Variants in LARP1B observed in about 807,000 individuals in gnomAD.
LARP1B encodes la-related protein 1B.
In LARP1B, 76 loss-of-function variants were observed where a neutral mutation model predicts 114.2. The ratio of observed to expected loss-of-function variants is 0.67; its 90% CI spans 0.55 to 0.81. LARP1B has a LOEUF of 0.81. Ranked by LOEUF, LARP1B falls within the 30% of genes least tolerant of loss-of-function variation. LARP1B has a pLI of 0.00. For missense variants in LARP1B, 1,014 were observed against 1,075.8 expected, an observed-to-expected ratio of 0.94 and a Z score of 0.80; for synonymous variants, 345 against 348.0, an observed-to-expected ratio of 0.99 and a Z score of 0.10.
intron 7 of LARP1B, among the ~76,000 whole-genome samples, chr4:128,094,617 A>G (rs11737508): frequency 0.65 from 98,448 of 151,416 alleles, 32,264 homozygotes; most frequent in Middle Eastern, 0.82. Context: ...ATGTTGCCCC[A>G]TCTGGTCTCG....
intron 5 of LARP1B, among the ~76,000 whole-genome samples, chr4:128,089,289 T>G (rs551213946): frequency 6.6e-6 from 1 of 152,296 alleles, no homozygotes; most frequent in South Asian, 2.1e-4. Flanking sequence ...TCCAAGTTGA[T>G]TTTCAAAGTA....
intron 15 of LARP1B, among the ~76,000 whole-genome samples, chr4:128,193,558 T>C (rs1418534827): frequency 1.3e-5 from 2 of 152,152 alleles, no homozygotes; most frequent in Non-Finnish European, 2.9e-5. Context: ...ATAATACCCA[T>C]AGCTGTTGGA....
At chr4:128,190,060 T>C (rs1221948576) in intron 15 of LARP1B, among the ~76,000 whole-genome samples, 2 of 152,258 alleles carry the variant, frequency 1.3e-5, no homozygotes, top group East Asian at 1.9e-4. Flanking sequence ...CATCAAAGTT[T>C]GTTTTCTTTC....
chr4:128,147,506 G>A (rs527315317), intron 11 of LARP1B, among the ~76,000 whole-genome samples: 2 of 152,218 alleles, frequency 1.3e-5, no homozygotes, highest in East Asian at 1.9e-4. Flanking sequence ...TTTATGAAGG[G>A]GAACAGTAAA....
rs1039839167 is a variant in LARP1B at position 128,156,254 on chromosome 4, C to G, written c.1525-5940C>G. 6 of 1,202,318 alleles carry G rather than the reference C, an allele frequency of 5.0e-6. No homozygotes were observed. In the Admixed American group the frequency reaches 1.2e-4, roughly 23 times the overall value. The allele number at this position is 1,202,318 out of a possible 1,614,324, so 74.5% of individuals were successfully genotyped here. ...GGTGCCACCCTAAGCAACGTCTGCTCCCCTTCCCCCACCAGTCCAGCTGGC... is the reference window on the plus strand; with the variant it reads ...GGTGCCACCCTAAGCAACGTCTGCTGCCCTTCCCCCACCAGTCCAGCTGGC... On this transcript the variant is annotated intron_variant, in intron 11 of 19. Coordinates refer to ENST00000326639, the MANE Select transcript of LARP1B (RefSeq NM_018078.4).
chr4:128,115,951 G>A (rs1259240914), intron 10 of LARP1B, among the ~76,000 whole-genome samples: 5 of 152,174 alleles, frequency 3.3e-5, no homozygotes, highest in Admixed American at 2.0e-4. Flanking sequence ...GAGCCTCTGC[G>A]GCCTGGCCAG....
intron 5 of LARP1B, among the ~76,000 whole-genome samples, chr4:128,083,674 G>C (rs1338536820): frequency 5.2e-5 from 4 of 76,298 alleles, no homozygotes; most frequent in East Asian, 6.4e-4. Context: ...TGGGGGGGCT[G>C]AGCCCCCCCA....
At chr4:128,151,758 ATG>A (rs1732901595) in intron 11 of LARP1B, among the ~76,000 whole-genome samples, 15 of 151,964 alleles carry the variant, frequency 9.9e-5, no homozygotes, top group Admixed American at 8.5e-4. Context: ...ATGCACTACC[ATG>A]TCTGGCTAAT....
intron 9 of LARP1B, among the ~76,000 whole-genome samples, chr4:128,113,848 G>A (rs1186879115): frequency 3.6e-5 from 5 of 140,500 alleles, no homozygotes; most frequent in Non-Finnish European, 6.0e-5. Flanking sequence ...GTGCAATAGC[G>A]CCATCTCGGC....
At position 128,091,385 on chromosome 4, in the gene LARP1B, G is replaced by A; in HGVS notation, c.541G>A (p.Glu181Lys). 6.2e-7 allele frequency: 1 copy of A among 1,612,532 alleles called. No individual in the cohort carries two copies. Among genetic ancestry groups the A allele is most frequent in the South Asian group, 1.1e-5 (1 of 90,878 alleles). Residue 181 changes from glutamate to lysine, a missense_variant, in exon 7 of 20, where the codon GAA (glutamate) becomes AAA (lysine). Glu to Lys is a moderately conservative substitution (Grantham distance 56, BLOSUM62 1). Coordinates refer to ENST00000326639, the MANE Select transcript of LARP1B (RefSeq NM_018078.4). The part of the protein sequence containing the change: ...DYSYGYQEHG[E>K]RTDQPFQTEL... ...TTCATATGGTTATCAAGAACATGGT[G>A]AAAGGACTGATCAACCATTTCAAAC...
At chr4:128,061,243 G>T (rs893245584), upstream of LARP1B, 2 of 152,054 alleles carry the variant, frequency 1.3e-5, no homozygotes, top group African/African-American at 2.4e-5. Flanking sequence ...GCCACGTCAC[G>T]CTCCTCAGGG....
intron 8 of LARP1B, among the ~76,000 whole-genome samples, chr4:128,099,122 G>A (rs1421645087): frequency 2.6e-5 from 4 of 151,414 alleles, no homozygotes; most frequent in African/African-American, 7.3e-5. Flanking sequence ...TTCTGGCTGG[G>A]CATGGTGGCT....
At chr4:128,104,108 A>G (rs1344313562) in intron 8 of LARP1B, among the ~76,000 whole-genome samples, 1 of 150,720 alleles carries the variant, frequency 6.6e-6, no homozygotes, top group Non-Finnish European at 1.5e-5. Context: ...TGGCCTTTAT[A>G]CATTATATAT....
rs1231316989 is a variant in LARP1B at position 128,069,368 on chromosome 4, A to G, written c.-77-5092A>G. The G allele has an allele frequency of 3.9e-6, 3 of 768,392 alleles. No individual in the cohort carries two copies. In the East Asian group the frequency reaches 7.3e-5, roughly 19 times the overall value. 47.6% of individuals were successfully genotyped at this position (768,392 alleles called of 1,614,324 possible). ...GAGCAAACTTTAGCTGGTTAACACC[A>G]TGATGGACAGGCTTGCCATAAGTTG... On this transcript the variant is annotated intron_variant, in intron 1 of 19. Coordinates refer to ENST00000326639, the MANE Select transcript of LARP1B (RefSeq NM_018078.4).
intron 12 of LARP1B, among the ~76,000 whole-genome samples, chr4:128,166,995 C>CACAT (rs1554050315): frequency 4.8e-4 from 67 of 139,786 alleles, no homozygotes; most frequent in African/African-American, 1.7e-3. Flanking sequence ...TATATATATA[C>CACAT]ACACACACAT....
intron 1 of LARP1B, among the ~76,000 whole-genome samples, chr4:128,068,665 A>C (rs979318056): frequency 1.3e-5 from 2 of 151,464 alleles, no homozygotes; most frequent in African/African-American, 4.9e-5. Context: ...TCCCTGCCTC[A>C]GCCTCCCAAA....
chr4:128,179,702 GT>G lies in LARP1B; in HGVS notation c.2003+199del, dbSNP rs546075555. On this transcript the variant is annotated intron_variant, in intron 15 of 19. Transcript: ENST00000326639. ...GTTAAGGAAATAATCCAGTTGGACAGTTTTTTTTTCCCATTTAAATTATTTT... is the reference window on the plus strand; with the variant it reads ...GTTAAGGAAATAATCCAGTTGGACAGTTTTTTTTCCCATTTAAATTATTTT... 2.2e-3 allele frequency among the ~76,000 whole-genome samples: 328 copies of G among 151,486 alleles called. 2 individuals carry two copies. The highest frequency in any genetic ancestry group is 2.8e-3 in the Admixed American group (42 of 15,184).
rs1008715385 is a variant in LARP1B, at chr4:128,210,390, A to C, written c.*337A>C. 2 of 1,072,042 alleles carry C rather than the reference A, an allele frequency of 1.9e-6. No homozygotes were observed. The highest frequency in any genetic ancestry group is 2.3e-6 in the Non-Finnish European group (2 of 883,134). 66.4% of individuals were successfully genotyped at this position (1,072,042 alleles called of 1,614,324 possible). A position where few individuals can be genotyped will look rare whatever the true frequency, so the allele number is the denominator to read the frequency against. Reference sequence around the variant, plus strand: ...AAACAGCATTCCTTAAATATATTTAAAAAACAATACAAGGAATGCCTAACA... The same window carrying C: ...AAACAGCATTCCTTAAATATATTTACAAAACAATACAAGGAATGCCTAACA... On this transcript the variant is annotated 3_prime_UTR_variant, in exon 20 of 20. Coordinates refer to ENST00000326639, the MANE Select transcript of LARP1B (RefSeq NM_018078.4).
chr4:128,094,176 C>T (rs758724349), intron 7 of LARP1B, among the ~76,000 whole-genome samples: 8 of 152,040 alleles, frequency 5.3e-5, no homozygotes, highest in African/African-American at 1.2e-4. Context: ...CCGCCGTCCT[C>T]GGCCTCCCAA....
Sources: gnomAD v4.1 joint callset for allele counts (sites outside exome capture counted in the v4.1 genomes callset) on GRCh38, gnomAD v4.1.1 for gene constraint, MANE v1.5 for transcripts, NCBI Gene and HGNC (gene_info 2026-07-23, HGNC 2026-07-21) for gene names.